ANTXR1: variants seen among roughly 807,000 people sequenced by gnomAD.
The protein encoded by ANTXR1 is ANTXR cell adhesion molecule 1, also known as anthrax toxin receptor 1.
Under a neutral mutation model 78.1 loss-of-function variants are expected in ANTXR1, and 19 were observed. The observed-to-expected ratio is 0.24, with a 90% CI of 0.17 to 0.36. The LOEUF (loss-of-function observed/expected upper bound fraction) is 0.36, where lower values mean the gene tolerates loss of function less well. Among genes scored for constraint, ANTXR1 ranks in the 10% least tolerant of loss-of-function variants. The probability of loss-of-function intolerance (pLI) is 1.00; values close to 1 mark genes in which losing one functional copy is unlikely to be tolerated. For synonymous variants in ANTXR1, 273 were observed against 260.5 expected, an observed-to-expected ratio of 1.05 and a Z score of -0.46; for missense variants, 518 against 718.6, an observed-to-expected ratio of 0.72 and a Z score of 3.19.
intron 10 of ANTXR1, among the ~76,000 whole-genome samples, chr2:69,104,483 A>G (rs1162493972): frequency 6.6e-6 from 1 of 152,214 alleles, no homozygotes; most frequent in African/African-American, 2.4e-5. Context: ...ATTTGAAAAC[A>G]TTCTGAAATA....
chr2:69,191,755 G>A (rs561406496), intron 16 of ANTXR1, among the ~76,000 whole-genome samples: 6 of 152,296 alleles, frequency 3.9e-5, no homozygotes, highest in East Asian at 3.9e-4. Context: ...AAATTAAAGC[G>A]CTTTCACCAG....
chr2:69,189,703 C>T (rs937787430), intron 16 of ANTXR1, among the ~76,000 whole-genome samples: 2 of 152,184 alleles, frequency 1.3e-5, no homozygotes, highest in African/African-American at 2.4e-5. Context: ...TAACGAGACA[C>T]GGTTGATGTT....
At chr2:69,015,409 G>A (rs1670996164) in intron 1 of ANTXR1, among the ~76,000 whole-genome samples, 3 of 151,914 alleles carry the variant, frequency 2.0e-5, no homozygotes, top group African/African-American at 2.4e-5. Context: ...AAGAATAGGT[G>A]GATAGAGTAG....
At chr2:69,043,053 T>C (rs1208901798) in intron 2 of ANTXR1, among the ~76,000 whole-genome samples, 2 of 152,220 alleles carry the variant, frequency 1.3e-5, no homozygotes, top group African/African-American at 2.4e-5. Flanking sequence ...CCTAGACTTA[T>C]ATGCCAGTTG....
intron 17 of ANTXR1, among the ~76,000 whole-genome samples, chr2:69,244,087 TCCTGAGTA>T (rs933596812): frequency 6.6e-6 from 1 of 152,162 alleles, no homozygotes; most frequent in East Asian, 1.9e-4. Flanking sequence ...GCACAGAAGT[TCCTGAGTA>T]CCAGATGAGA....
intron 14 of ANTXR1, among the ~76,000 whole-genome samples, chr2:69,174,259 A>G (rs1200212068): frequency 6.6e-6 from 1 of 152,232 alleles, no homozygotes; most frequent in Non-Finnish European, 1.5e-5. Flanking sequence ...ATATTTAAAA[A>G]TCTTATTTAT....
At chr2:69,195,314 G>A (rs776316312) in intron 17 of ANTXR1, among the ~76,000 whole-genome samples, 2 of 152,172 alleles carry the variant, frequency 1.3e-5, no homozygotes, top group Non-Finnish European at 2.9e-5. Flanking sequence ...ATGGTCTCCT[G>A]ACTGTCCAGC....
chr2:69,048,481 C>T (rs574459178), intron 3 of ANTXR1, among the ~76,000 whole-genome samples: 161 of 152,216 alleles, frequency 1.1e-3, no homozygotes, highest in African/African-American at 3.7e-3. Flanking sequence ...CCTTTCTTTA[C>T]AGTACTTTTG....
At chr2:69,037,983 C>G (rs1669495797) in intron 1 of ANTXR1, among the ~76,000 whole-genome samples, 1 of 152,162 alleles carries the variant, frequency 6.6e-6, no homozygotes, top group Non-Finnish European at 1.5e-5. Flanking sequence ...AAACCACTTG[C>G]TCTTCCCCAA....
At chr2:69,243,164 C>CTA (rs1675931253) in intron 17 of ANTXR1, among the ~76,000 whole-genome samples, 1 of 152,224 alleles carries the variant, frequency 6.6e-6, no homozygotes, top group Admixed American at 6.5e-5. Context: ...CTGACTAATG[C>CTA]TATGTCCTAG....
Position 69,017,479 on chromosome 2 carries a change from C to T in ANTXR1, c.152+3828C>T, listed in dbSNP as rs527813672. Among the ~76,000 whole-genome samples the T allele has an allele frequency of 2.6e-5, 4 of 152,306 alleles. No homozygotes were observed. In the East Asian group the frequency reaches 7.7e-4, roughly 29 times the overall value. On this transcript the variant is annotated intron_variant, in intron 1 of 17. Coordinates refer to ENST00000303714, the MANE Select transcript of ANTXR1 (RefSeq NM_032208.3). ...TCTCTTTTCCCATGACATTAAATCT[C>T]AGCTCATTTCAGCTTTAAGCAAGCT...
intron 10 of ANTXR1, among the ~76,000 whole-genome samples, chr2:69,119,588 T>C (rs764548447): frequency 3.3e-5 from 5 of 152,394 alleles, no homozygotes; most frequent in South Asian, 4.1e-4. Flanking sequence ...GCTTTGCCTC[T>C]GGCTTGCGGT....
intron 14 of ANTXR1, among the ~76,000 whole-genome samples, chr2:69,174,893 C>T (rs6546484): frequency 0.67 from 102,473 of 152,118 alleles, 36,929 homozygotes; most frequent in East Asian, 0.92. Flanking sequence ...TGAACCCCTA[C>T]CTTATAGATG....
intron 13 of ANTXR1, among the ~76,000 whole-genome samples, chr2:69,167,819 T>C (rs1232477878): frequency 6.6e-6 from 1 of 152,236 alleles, no homozygotes; most frequent in African/African-American, 2.4e-5. Context: ...ATGTGAAATC[T>C]GGATCATAAA....
At chr2:69,190,116 C>A (rs1049151968) in intron 16 of ANTXR1, among the ~76,000 whole-genome samples, 2 of 152,014 alleles carry the variant, frequency 1.3e-5, no homozygotes, top group Non-Finnish European at 2.9e-5. Context: ...GCAGAAGAAG[C>A]TGAAAAGGAC....
intron 12 of ANTXR1, among the ~76,000 whole-genome samples, chr2:69,136,963 A>T (rs1672925252): frequency 6.6e-6 from 1 of 152,212 alleles, no homozygotes. Context: ...GAAATCATTG[A>T]TCAAGAGAAC....
chr2:69,182,870 C>T (rs1305703477), intron 16 of ANTXR1: 1 of 635,488 alleles, frequency 1.6e-6, no homozygotes, highest in Non-Finnish European at 2.7e-6. Flanking sequence ...TTTTAAAAAT[C>T]ACCGTGGTGC....
intron 9 of ANTXR1, among the ~76,000 whole-genome samples, chr2:69,094,445 G>A (rs967747374): frequency 5.9e-5 from 9 of 152,176 alleles, no homozygotes; most frequent in African/African-American, 1.2e-4. Context: ...ATAACTGATT[G>A]TTCACATTTC....
chr2:69,158,273 T>G (rs1273564665), intron 13 of ANTXR1, among the ~76,000 whole-genome samples: 2 of 152,246 alleles, frequency 1.3e-5, no homozygotes, highest in African/African-American at 2.4e-5. Flanking sequence ...AGGTACTTCC[T>G]TATCATGATC....
Sources: gnomAD v4.1 joint callset for allele counts (sites outside exome capture counted in the v4.1 genomes callset) on GRCh38, gnomAD v4.1.1 for gene constraint, MANE v1.5 for transcripts, NCBI Gene and HGNC (gene_info 2026-07-23, HGNC 2026-07-21) for gene names.